The following SYT7 variants were observed in gnomAD, a reference collection of about 807,000 sequenced individuals.
SYT7 encodes synaptotagmin 7, also known as synaptotagmin-7.
In SYT7, 29 loss-of-function variants were observed where a neutral mutation model predicts 75.1. That is an observed-to-expected ratio of 0.39 (90% confidence interval 0.29 to 0.53). The LOEUF is 0.53. Among genes scored for constraint, SYT7 ranks in the 20% least tolerant of loss-of-function variants. SYT7 has a pLI of 0.77. For synonymous variants in SYT7, 376 were observed against 401.7 expected, an observed-to-expected ratio of 0.94 and a Z score of 0.76; for missense variants, 693 against 953.2, an observed-to-expected ratio of 0.73 and a Z score of 3.59.
intron 8 of SYT7, chr11:61,531,155 G>T: frequency 1.0e-6 from 1 of 984,484 alleles, no homozygotes. Flanking sequence ...ATCTTATCAT[G>T]GCTGTTAACA....
At position 61,540,855 on chromosome 11, in the gene SYT7, C is replaced by T. The variant is rs796342876; in HGVS notation, c.941+1356G>A. ...TCCACGCCTGGATCACAGCCTCTGT[C>T]CCAAAACAAACCGCCACCTGGAAGA... is the stretch of plus-strand genomic sequence containing the variant. On this transcript the variant is annotated intron_variant, in intron 6 of 12. Transcript: ENST00000539008. The T allele has an allele frequency of 4.1e-6, 4 of 985,386 alleles. 1 individual carries two copies. The South Asian group carries it at 1.9e-4, about 46-fold the overall frequency. 61.0% of individuals were successfully genotyped at this position (985,386 alleles called of 1,614,324 possible).
chr11:61,536,901 T>G (rs1172341811), intron 7 of SYT7, among the ~76,000 whole-genome samples: 4 of 152,244 alleles, frequency 2.6e-5, no homozygotes, highest in African/African-American at 9.6e-5. Flanking sequence ...AAACAGTCCC[T>G]GCCCAGTTCA....
At chr11:61,547,760 A>C (rs976749655) in intron 3 of SYT7, among the ~76,000 whole-genome samples, 10 of 152,184 alleles carry the variant, frequency 6.6e-5, no homozygotes, top group African/African-American at 2.4e-4. Context: ...GATCAGGCCC[A>C]GGTGCCAACT....
intron 7 of SYT7, 101 bp downstream of exon 7, chr11:61,538,043 C>T: frequency 2.0e-6 from 3 of 1,475,034 alleles, no homozygotes; most frequent in Admixed American, 2.1e-5. Flanking sequence ...CCGCTGAAGG[C>T]ACCACCACCT....
At chr11:61,556,913 T>A (rs952609902) in intron 1 of SYT7, among the ~76,000 whole-genome samples, 1 of 145,928 alleles carries the variant, frequency 6.9e-6, no homozygotes, top group Non-Finnish European at 1.5e-5. Flanking sequence ...GCAGCCCATC[T>A]GTAATTCCTA....
At position 61,547,253 on chromosome 11, in the gene SYT7, T is replaced by G. The variant is rs1320218051; in HGVS notation, c.271A>C (p.Ser91Arg). 1 of 1,535,746 alleles carries G rather than the reference T, an allele frequency of 6.5e-7. No individual in the cohort carries two copies. The highest frequency in any genetic ancestry group is 8.7e-7 in the Non-Finnish European group (1 of 1,146,682). Residue 91 changes from serine to arginine, a missense_variant, in exon 4 of 13, where the codon AGC (serine) becomes CGC (arginine). Physicochemically the swap from Ser to Arg is moderately radical, Grantham distance 110. This residue lies in a region of SYT7 where 487 missense variants were observed against 593.2 expected (regional missense o/e 0.82). Transcript: ENST00000539008. ...ATAAACTCCTTGGGAGGGTAGGAGC[T>G]CCATTTCTGCTGCACTGTGCTCTCA... ...NNESTVQQKW[S>R]SYPPKEFILN... is the part of the protein sequence containing the mutation.
rs1160513889 is a variant in SYT7 at position 61,580,072 on chromosome 11, C to G, written c.31+718G>C. Among the ~76,000 whole-genome samples, 1 of 152,126 alleles carries G rather than the reference C, an allele frequency of 6.6e-6. No individual in the cohort carries two copies. Among genetic ancestry groups the G allele is most frequent in the Non-Finnish European group, 1.5e-5 (1 of 68,006 alleles). ...GCTCCCAGGCCACTCCCCTGGCGGG[C>G]GAAGCAGAAGGCAAAGGAGTTCGGC... On this transcript the variant is annotated intron_variant, in intron 1 of 12. Transcript: ENST00000539008. The surrounding 1 kb of genome is among the most constrained non-coding windows in gnomAD (Gnocchi z 6.1).
intron 7 of SYT7, among the ~76,000 whole-genome samples, chr11:61,535,728 C>T (rs932744494): frequency 2.0e-5 from 3 of 152,194 alleles, no homozygotes; most frequent in African/African-American, 7.2e-5. Context: ...TCCCGGGACG[C>T]TGTCTCCCAT....
intron 2 of SYT7, among the ~76,000 whole-genome samples, chr11:61,555,672 G>C (rs2063480321): frequency 6.6e-6 from 1 of 152,226 alleles, no homozygotes; most frequent in African/African-American, 2.4e-5. Context: ...CACGCCCATG[G>C]AGGGGAGCGG....
intron 1 of SYT7, among the ~76,000 whole-genome samples, chr11:61,557,603 C>T (rs2063532452): frequency 6.6e-6 from 1 of 152,198 alleles, no homozygotes; most frequent in African/African-American, 2.4e-5. Context: ...CCTGAGCCTC[C>T]TAGTTGTGGG....
chr11:61,552,369 CG>C (rs981633279), intron 2 of SYT7, among the ~76,000 whole-genome samples: 3 of 151,860 alleles, frequency 2.0e-5, no homozygotes, highest in African/African-American at 7.2e-5. Context: ...TATGGGCAGT[CG>C]GGGGACAGGG....
intron 12 of SYT7, among the ~76,000 whole-genome samples, chr11:61,521,675 C>T (rs887813235): frequency 2.0e-5 from 3 of 152,346 alleles, no homozygotes; most frequent in African/African-American, 7.2e-5. Flanking sequence ...CAGCTCCCTT[C>T]CCTGTGGGTA....
chr11:61,550,906 G>A (rs1469123449), intron 3 of SYT7, among the ~76,000 whole-genome samples: 1 of 152,198 alleles, frequency 6.6e-6, no homozygotes, highest in Non-Finnish European at 1.5e-5. Flanking sequence ...CTCCCCGAGT[G>A]GCCCAGACAC....
chr11:61,549,127 G>A lies in SYT7; in HGVS notation c.216-1819C>T, dbSNP rs532971896. 1.2e-4 allele frequency among the ~76,000 whole-genome samples: 18 copies of A among 152,012 alleles called. No homozygotes were observed. In the South Asian group the frequency reaches 2.7e-3, roughly 23 times the overall value. The stretch of plus-strand genomic sequence containing the variant: ...GAGCAGGTAGCAGCCTCTCTTTCCC[G>A]CTCCCTCCAGATCTCCAGAATCTAG... On this transcript the variant is annotated intron_variant, in intron 3 of 12. Coordinates refer to ENST00000539008, the MANE Select transcript of SYT7 (RefSeq NM_001365809.2).
intron 1 of SYT7, among the ~76,000 whole-genome samples, chr11:61,578,136 C>G (rs1590966222): frequency 6.6e-6 from 1 of 152,280 alleles, no homozygotes; most frequent in East Asian, 1.9e-4. Flanking sequence ...GGTCTGGGTT[C>G]TTCACTGGAC....
chr11:61,544,467 C>T (rs2063129718), intron 5 of SYT7, among the ~76,000 whole-genome samples: 1 of 152,194 alleles, frequency 6.6e-6, no homozygotes, highest in Admixed American at 6.5e-5. Flanking sequence ...GGGTGGCAGC[C>T]TTGCCTAACT....
intron 6 of SYT7, chr11:61,540,818 G>A (rs557903790): frequency 7.1e-6 from 7 of 985,456 alleles, no homozygotes; most frequent in African/African-American, 5.2e-5. Context: ...CAATTCCCTC[G>A]ACTCTCCAAG....
In SYT7 at chr11:61,522,731, T is replaced by C. The variant is rs534075672; in HGVS notation, c.1956+344A>G. ...CCCCACGCAGCTCACCCTGTGCAGA[T>C]GGGACCCCGGGCAATACTGCTCCAA... On this transcript the variant is annotated intron_variant, in intron 12 of 12. Coordinates refer to ENST00000539008, the MANE Select transcript of SYT7 (RefSeq NM_001365809.2). Among the ~76,000 whole-genome samples the C allele has an allele frequency of 3.9e-5, 6 of 152,270 alleles. 1 individual carries two copies. In the South Asian group the frequency reaches 1.2e-3, roughly 32 times the overall value.
chr11:61,519,082 A>T (rs1183379314), intron 12 of SYT7, among the ~76,000 whole-genome samples: 1 of 152,196 alleles, frequency 6.6e-6, no homozygotes, highest in Non-Finnish European at 1.5e-5. Context: ...CCTGAATTAT[A>T]ATCATTCCCA....
Sources: gnomAD v4.1 joint callset for allele counts (sites outside exome capture counted in the v4.1 genomes callset) on GRCh38, gnomAD v4.1.1 for gene constraint, gnomAD v4.1.1 regional missense constraint, Gnocchi (gnomAD v3.1) non-coding constraint, MANE v1.5 for transcripts, NCBI Gene and HGNC (gene_info 2026-07-23, HGNC 2026-07-21) for gene names.